The following ACIN1 variants were observed in gnomAD, a reference collection of about 807,000 sequenced individuals.
The protein encoded by ACIN1 is apoptotic chromatin condensation inducer 1.
A neutral mutation model predicts 146.6 loss-of-function variants in ACIN1; 16 were observed. The observed-to-expected ratio is 0.11, with a 90% CI of 0.07 to 0.17. The LOEUF (loss-of-function observed/expected upper bound fraction) is 0.17. ACIN1 is among the 10% of genes least tolerant of loss of function. The probability of loss-of-function intolerance (pLI) is 1.00; values close to 1 mark genes in which losing one functional copy is unlikely to be tolerated. For synonymous variants in ACIN1, 569 were observed against 582.7 expected (o/e 0.98, Z 0.34); for missense variants, 1,357 against 1,609.3 (o/e 0.84, Z 2.68).
In ACIN1 at chr14:23,081,750, G is replaced by C. The variant is rs758772215; in HGVS notation, c.523C>G (p.Gln175Glu). ...KGERRSSRVR[Q>E]ARAAKLSEGS... ...GCTTTAGGAGGTATCTGAGTTACCTGTCTGACCCTAGATGATCGTCTTTCT... is the reference window on the plus strand; with the variant it reads ...GCTTTAGGAGGTATCTGAGTTACCTCTCTGACCCTAGATGATCGTCTTTCT... The change falls in exon 5 of 19, where the codon CAG (glutamine) becomes GAG (glutamate). Residue 175 changes from glutamine to glutamate, a missense_variant and splice_region_variant. Around this residue, in one of 4 missense-constraint regions of ACIN1, gnomAD observed 771 missense variants for 746.6 expected, o/e 1.03. Coordinates refer to ENST00000605057, the MANE Select transcript of ACIN1 (RefSeq NM_001386863.1). 1.2e-6 allele frequency: 2 copies of C among 1,611,190 alleles called. No homozygotes were observed. Among genetic ancestry groups the C allele is most frequent in the Non-Finnish European group, 8.5e-7 (1 of 1,178,822 alleles).
chr14:23,067,193 A>G lies in ACIN1; in HGVS notation c.2266-1185T>C, dbSNP rs1054923793. The G allele has an allele frequency of 1.4e-6, 1 of 703,190 alleles. No homozygotes were observed. The highest frequency in any genetic ancestry group is 1.7e-6 in the Non-Finnish European group (1 of 572,702). 43.6% of individuals were successfully genotyped at this position (703,190 alleles called of 1,614,324 possible). A position where few individuals can be genotyped will look rare whatever the true frequency, so the allele number is the denominator to read the frequency against. On this transcript the variant is annotated intron_variant, in intron 9 of 18. Transcript: ENST00000605057. This position sits in a 1 kb window ranked among gnomAD's most constrained non-coding sequence, Gnocchi z 4.6. ...AAAACATGAACCAAATAAATAAATAAAAGAAATCAGAAAAAATAAAGATAT... is the reference window on the plus strand; with the variant it reads ...AAAACATGAACCAAATAAATAAATAGAAGAAATCAGAAAAAATAAAGATAT...
chr14:23,083,400 G>T (rs1016553640), intron 4 of ACIN1, among the ~76,000 whole-genome samples: 11 of 152,102 alleles, frequency 7.2e-5, no homozygotes, highest in Middle Eastern at 3.2e-3. Flanking sequence ...AAAAGGAGGG[G>T]CTGCACTAGA....
Position 23,068,412 on chromosome 14 carries a change from G to GT in ACIN1, c.2265+1063dup, listed in dbSNP as rs1411864932. On this transcript the variant is annotated intron_variant, in intron 9 of 18. Transcript: ENST00000605057. This position sits in a 1 kb window ranked among gnomAD's most constrained non-coding sequence, Gnocchi z 4.3. ...GATGCAAGTCCACCCCTTTCCAAAT[G>GT]TTTTTTGCTTGCTCAATACAAGTCT... 2.0e-6 allele frequency: 2 copies of GT among 985,888 alleles called. No individual in the cohort carries two copies. The highest frequency in any genetic ancestry group is 1.7e-5 in the African/African-American group (1 of 57,366). The allele number at this position is 985,888 out of a possible 1,614,324, so 61.1% of individuals were successfully genotyped here.
Position 23,064,241 on chromosome 14 carries a change from A to C in ACIN1, c.2459T>G (p.Ile820Ser), listed in dbSNP as rs898153238. 1 of 1,613,914 alleles carries C rather than the reference A, an allele frequency of 6.2e-7. No individual in the cohort carries two copies. The highest frequency in any genetic ancestry group is 1.3e-5 in the African/African-American group (1 of 74,928). The change falls in exon 12 of 19, where the codon ATC (isoleucine) becomes AGC (serine). Residue 820 changes from isoleucine to serine, a missense_variant. Transcript: ENST00000605057. Reference protein sequence around the residue: ...TESLKSLIPDIKPLAGQEAVV... With the variant: ...TESLKSLIPDSKPLAGQEAVV... ...AGCCTCCTGCCCCGCCAGGGGTTTG[A>C]TGTCGGGGATGAGGCTCTGGGACAC...
chr14:23,069,931 A>G (rs747299366), intron 8 of ACIN1, among the ~76,000 whole-genome samples: 123 of 152,150 alleles, frequency 8.1e-4, no homozygotes, highest in Non-Finnish European at 1.4e-3. Context: ...CTCCTATATG[A>G]AAGGAGAAAA....
rs2047196360 is a variant in ACIN1, at chr14:23,059,463, T to C, written c.3537A>G (p.Lys1179=). ...LPLTDSQIVQ[K]EAERAERAKE... ...TGGCCCGTTCGGCCCGCTCTGCCTCTTTCTGAACGATCTGTAGCCAGGTAG... is the reference window on the plus strand; with the variant it reads ...TGGCCCGTTCGGCCCGCTCTGCCTCCTTCTGAACGATCTGTAGCCAGGTAG... The change falls in exon 19 of 19, where the codon AAA becomes AAG. Residue 1179 remains lysine, a synonymous_variant. Coordinates refer to ENST00000605057, the MANE Select transcript of ACIN1 (RefSeq NM_001386863.1). 6 of 1,613,634 alleles carry C rather than the reference T, an allele frequency of 3.7e-6. No homozygotes were observed. The highest frequency in any genetic ancestry group is 1.6e-4 in the Middle Eastern group (1 of 6,084).
chr14:23,080,191 G>A lies in ACIN1; in HGVS notation c.1144C>T (p.Pro382Ser), dbSNP rs1304396345. 6.2e-7 allele frequency: 1 copy of A among 1,614,040 alleles called. No individual in the cohort carries two copies. Among genetic ancestry groups the A allele is most frequent in the Non-Finnish European group, 8.5e-7 (1 of 1,180,030 alleles). Residue 382 changes from proline to serine, a missense_variant, in exon 6 of 19, where the codon CCC becomes TCC. Around this residue, in one of 4 missense-constraint regions of ACIN1, gnomAD observed 771 missense variants for 746.6 expected, o/e 1.03. Transcript: ENST00000605057. ...PQLHSEEEIEPMEGPAPAVLI... is the reference protein window; with the variant it reads ...PQLHSEEEIESMEGPAPAVLI... Reference sequence around the variant, plus strand: ...ACAGCGGGGGCTGGGCCTTCCATGGGCTCTATTTCTTCTTCGCTATGGAGC... The same window carrying A: ...ACAGCGGGGGCTGGGCCTTCCATGGACTCTATTTCTTCTTCGCTATGGAGC...
chr14:23,073,999 C>T (rs759890235), intron 8 of ACIN1, among the ~76,000 whole-genome samples: 1 of 151,596 alleles, frequency 6.6e-6, no homozygotes, highest in Non-Finnish European at 1.5e-5. Context: ...CCATTACACC[C>T]GGCTAATTTT....
intron 4 of ACIN1, among the ~76,000 whole-genome samples, chr14:23,086,136 T>C (rs2048085168): frequency 6.6e-6 from 1 of 152,124 alleles, no homozygotes; most frequent in Non-Finnish European, 1.5e-5. Context: ...ATGAAGAGAA[T>C]ACAGACCTGG....
In ACIN1 at chr14:23,080,439, T is replaced by G. The variant is rs1371243213; in HGVS notation, c.896A>C (p.Gln299Pro). ...ARKSHLARQQ[Q>P]EKEMKTTSPL... Reference sequence around the variant, plus strand: ...AGATGTTGTTTTCATTTCCTTCTCCTGCTGCTGTCTGGCCAGATGACTTTT... The same window carrying G: ...AGATGTTGTTTTCATTTCCTTCTCCGGCTGCTGTCTGGCCAGATGACTTTT... Residue 299 changes from glutamine (Q) to proline (P), a missense_variant, in exon 6 of 19, where the codon CAG becomes CCG. This residue lies in a region of ACIN1 where 771 missense variants were observed against 746.6 expected (regional missense o/e 1.03). Transcript: ENST00000605057. 2 of 1,614,094 alleles carry G rather than the reference T, an allele frequency of 1.2e-6. No individual in the cohort carries two copies. Among genetic ancestry groups the G allele is most frequent in the African/African-American group, 2.7e-5 (2 of 74,930 alleles).
chr14:23,082,707 A>G (rs1378993759), intron 4 of ACIN1, among the ~76,000 whole-genome samples: 2 of 151,144 alleles, frequency 1.3e-5, no homozygotes, highest in African/African-American at 4.9e-5. Context: ...GGCCTCCCAA[A>G]GTGCTGGGAT....
At chr14:23,074,047 C>T (rs1354904856) in intron 8 of ACIN1, among the ~76,000 whole-genome samples, 1 of 151,666 alleles carries the variant, frequency 6.6e-6, no homozygotes, top group Non-Finnish European at 1.5e-5. Flanking sequence ...ACTGTGTCAG[C>T]TAGGATGGTC....
intron 8 of ACIN1, chr14:23,071,320 A>G (rs1356921891): frequency 2.7e-6 from 4 of 1,509,110 alleles, no homozygotes; most frequent in Non-Finnish European, 3.5e-6. Context: ...GAAAATTGAG[A>G]TGTAGCAACC....
rs577026987 is a variant in ACIN1 at position 23,079,645 on chromosome 14, T to C, written c.1690A>G (p.Asn564Asp). The C allele has an allele frequency of 7.4e-6, 12 of 1,614,188 alleles. No individual in the cohort carries two copies. In the East Asian group the frequency reaches 2.5e-4, roughly 33 times the overall value. Reference protein sequence around the residue: ...RDVAQARTHANPRGRPKMGSR... With the variant: ...RDVAQARTHADPRGRPKMGSR... ...CCCATCTTGGGTCTACCACGAGGGT[T>C]GGCATGAGTACGTGCCTGGGCTACA... Residue 564 changes from asparagine (N) to aspartate (D), a missense_variant, in exon 6 of 19, where the codon AAC becomes GAC. Around this residue, in one of 4 missense-constraint regions of ACIN1, gnomAD observed 771 missense variants for 746.6 expected, o/e 1.03. Coordinates refer to ENST00000605057, the MANE Select transcript of ACIN1 (RefSeq NM_001386863.1).
At chr14:23,084,009 C>T (rs1183302550) in intron 4 of ACIN1, among the ~76,000 whole-genome samples, 1 of 151,466 alleles carries the variant, frequency 6.6e-6, no homozygotes, top group African/African-American at 2.4e-5. Flanking sequence ...TGCAATGGCA[C>T]GATTTCGGTT....
At chr14:23,060,918 CTA>C (rs2047259264) in intron 18 of ACIN1, among the ~76,000 whole-genome samples, 164 bp downstream of exon 18, 5 of 152,330 alleles carry the variant, frequency 3.3e-5, no homozygotes, top group South Asian at 4.1e-4. Flanking sequence ...TCTGGTTTCT[CTA>C]TGTTATACCA....
At chr14:23,077,744 TA>T in intron 8 of ACIN1, 1 of 156,714 alleles carries the variant, frequency 6.4e-6, no homozygotes, top group South Asian at 1.9e-4. Flanking sequence ...ATGCACAAAC[TA>T]AAAAATAGCA....
At chr14:23,062,708 T>A in intron 14 of ACIN1, 185 bp from the exon 15 acceptor site, 2 of 737,518 alleles carry the variant, frequency 2.7e-6, no homozygotes, top group African/African-American at 1.8e-5. Context: ...TGAGACGTTG[T>A]ATGTGAGGCC....
chr14:23,078,801 A>AG lies in ACIN1; in HGVS notation c.2007+18dup. 6.2e-7 allele frequency: 1 copy of AG among 1,608,568 alleles called. No homozygotes were observed. The highest frequency in any genetic ancestry group is 8.5e-7 in the Non-Finnish European group (1 of 1,177,050). ...CTTAATCCTCCATCTCTGTGTAGGG[A>AG]GGGGTCACAATAGCCTACCCGCTCA... is the stretch of plus-strand genomic sequence containing the variant. On this transcript the variant is annotated intron_variant, in intron 7 of 18. Coordinates refer to ENST00000605057, the MANE Select transcript of ACIN1 (RefSeq NM_001386863.1).
Sources: gnomAD v4.1 joint callset for allele counts (sites outside exome capture counted in the v4.1 genomes callset) on GRCh38, gnomAD v4.1.1 for gene constraint, gnomAD v4.1.1 regional missense constraint, Gnocchi (gnomAD v3.1) non-coding constraint, MANE v1.5 for transcripts, NCBI Gene and HGNC (gene_info 2026-07-23, HGNC 2026-07-21) for gene names.